DPP10: variants seen among roughly 807,000 people sequenced by gnomAD.
The protein encoded by DPP10 is dipeptidyl peptidase like 10, also known as inactive dipeptidyl peptidase 10.
In DPP10, 33 loss-of-function variants were observed where a neutral mutation model predicts 120.9. The observed-to-expected ratio is 0.27, with a 90% CI of 0.21 to 0.37. The LOEUF is 0.37. Ranked by LOEUF, DPP10 falls within the 10% of genes least tolerant of loss-of-function variation. The pLI, the probability that DPP10 is intolerant of heterozygous loss-of-function variation, is 1.00. For missense variants in DPP10, 816 were observed against 942.8 expected (o/e 0.87, Z 1.76); for synonymous variants, 337 against 326.1 (o/e 1.03, Z -0.36).
At chr2:114,956,831 A>C (rs1421941653) in intron 1 of DPP10, among the ~76,000 whole-genome samples, 1 of 152,102 alleles carries the variant, frequency 6.6e-6, no homozygotes, top group Non-Finnish European at 1.5e-5. Context: ...AGATAACAAG[A>C]ATATGCAATG....
At chr2:115,757,140 C>CTGTACTCCTCA (rs753094659) in intron 11 of DPP10, among the ~76,000 whole-genome samples, 6 of 151,800 alleles carry the variant, frequency 4.0e-5, no homozygotes, top group Non-Finnish European at 8.8e-5. Context: ...GATAACATCC[C>CTGTACTCCTCA]TGTACTCCTT....
At chr2:114,979,080 T>A (rs899983648) in intron 1 of DPP10, among the ~76,000 whole-genome samples, 1 of 152,122 alleles carries the variant, frequency 6.6e-6, no homozygotes, top group African/African-American at 2.4e-5. Context: ...ATAGTTTCAT[T>A]GATCTAACAG....
rs141627663 is a variant in DPP10 at position 114,887,910 on chromosome 2, C to T, written c.61-421329C>T. Among the ~76,000 whole-genome samples, 47 of 152,140 alleles carry T rather than the reference C, an allele frequency of 3.1e-4. 1 individual carries two copies. The East Asian group carries it at 7.2e-3, about 23-fold the overall frequency. The stretch of plus-strand genomic sequence containing the variant: ...ATTCCCGCACTTTGGGAGGCTGAGG[C>T]GGGTGGATCACGAGGTCAGGAGATC... On this transcript the variant is annotated intron_variant, in intron 1 of 25. Coordinates refer to ENST00000410059, the MANE Select transcript of DPP10 (RefSeq NM_020868.6).
chr2:115,103,170 G>C (rs890313027), intron 1 of DPP10, among the ~76,000 whole-genome samples: 3 of 149,314 alleles, frequency 2.0e-5, no homozygotes, highest in Admixed American at 2.0e-4. Flanking sequence ...TTCAGACAAT[G>C]ATTCTGATTC....
At chr2:114,888,552 G>T (rs760420907) in intron 1 of DPP10, among the ~76,000 whole-genome samples, 1 of 152,152 alleles carries the variant, frequency 6.6e-6, no homozygotes, top group Non-Finnish European at 1.5e-5. Context: ...TTAACACAAA[G>T]AATTTAAAGT....
chr2:115,344,599 G>A (rs949514369), intron 3 of DPP10, among the ~76,000 whole-genome samples: 3 of 151,852 alleles, frequency 2.0e-5, no homozygotes, highest in Admixed American at 6.6e-5. Context: ...GGACTCCTTA[G>A]GTTCTCTTAA....
rs1337867057 is a variant in DPP10 at position 114,959,219 on chromosome 2, C to T, written c.61-350020C>T. Among the ~76,000 whole-genome samples the T allele has an allele frequency of 4.6e-5, 7 of 152,084 alleles. No homozygotes were observed. In the East Asian group the frequency reaches 1.3e-3, roughly 29 times the overall value. ...GATAAATTTACATTTTATGTAATGA[C>T]CAATTTAAAGTGTACAATTCACTAG... On this transcript the variant is annotated intron_variant, in intron 1 of 25. Transcript: ENST00000410059.
Position 115,603,347 on chromosome 2 carries a change from C to G in DPP10, c.441+77375C>G, listed in dbSNP as rs552902940. ...ACCCACCCCCCGCCCCGCCACCCCC[C>G]CAAAAAGAAACAAAACCCAACTCTA... is the stretch of plus-strand genomic sequence containing the variant. On this transcript the variant is annotated intron_variant, in intron 5 of 25. Coordinates refer to ENST00000410059, the MANE Select transcript of DPP10 (RefSeq NM_020868.6). 1.8e-3 allele frequency among the ~76,000 whole-genome samples: 241 copies of G among 135,270 alleles called. 2 individuals carry two copies. Among genetic ancestry groups the G allele is most frequent in the African/African-American group, 6.0e-3 (221 of 36,974 alleles). The allele number at this position is 135,270 out of a possible 152,430, so 88.7% of individuals were successfully genotyped here.
intron 1 of DPP10, among the ~76,000 whole-genome samples, chr2:114,997,590 C>A (rs1701180199): frequency 6.6e-6 from 1 of 151,676 alleles, no homozygotes; most frequent in Non-Finnish European, 1.5e-5. Flanking sequence ...TCAAAATAGC[C>A]AAATTCATAT....
intron 1 of DPP10, among the ~76,000 whole-genome samples, chr2:115,287,595 C>T (rs1207105084): frequency 1.3e-5 from 2 of 152,066 alleles, no homozygotes; most frequent in Non-Finnish European, 2.9e-5. Flanking sequence ...GCCTCCAGTT[C>T]TACTCAAGTT....
At chr2:114,943,683 T>C (rs898916932) in intron 1 of DPP10, among the ~76,000 whole-genome samples, 2 of 152,250 alleles carry the variant, frequency 1.3e-5, no homozygotes, top group African/African-American at 4.8e-5. Context: ...CGTGTCTTTA[T>C]AGTAAAATGA....
chr2:114,732,893 T>C (rs1677054914), intron 1 of DPP10, among the ~76,000 whole-genome samples: 1 of 152,186 alleles, frequency 6.6e-6, no homozygotes, highest in African/African-American at 2.4e-5. Flanking sequence ...AGGAAGTTTA[T>C]GTAACTCCCC....
intron 3 of DPP10, among the ~76,000 whole-genome samples, chr2:115,394,398 G>A (rs948365302): frequency 1.4e-5 from 2 of 146,344 alleles, no homozygotes; most frequent in Admixed American, 1.4e-4. Flanking sequence ...GAATGTGAGA[G>A]ATGTTAAAAT....
At chr2:115,802,511 A>C (rs990762027) in intron 19 of DPP10, among the ~76,000 whole-genome samples, 3 of 151,886 alleles carry the variant, frequency 2.0e-5, no homozygotes, top group Non-Finnish European at 2.9e-5. Context: ...TAGTTCTTTT[A>C]ATTGTGATGT....
At position 115,489,336 on chromosome 2, in the gene DPP10, C is replaced by T. The variant is rs139192614; in HGVS notation, c.272-10174C>T. On this transcript the variant is annotated intron_variant, in intron 3 of 25. Transcript: ENST00000410059. ...GTAAACCAAAAATAAAACCCTAAGG[C>T]CCCCAACAGACCAAACAGACTCTCT... is the stretch of plus-strand genomic sequence containing the variant. 7.4e-3 allele frequency among the ~76,000 whole-genome samples: 1,123 copies of T among 151,740 alleles called. 6 individuals are homozygous for T. The highest frequency in any genetic ancestry group is 0.025 in the African/African-American group (1,025 of 41,356).
chr2:115,560,112 TAA>T (rs1292480997), intron 5 of DPP10, among the ~76,000 whole-genome samples: 1 of 151,618 alleles, frequency 6.6e-6, no homozygotes. Flanking sequence ...ATTACTTTTT[TAA>T]GATACGACAA....
chr2:115,074,105 G>A (rs1707594505), intron 1 of DPP10, among the ~76,000 whole-genome samples: 1 of 152,138 alleles, frequency 6.6e-6, no homozygotes, highest in Admixed American at 6.5e-5. Flanking sequence ...TTGAACTCCT[G>A]GATTCAAATG....
At chr2:115,024,455 T>G (rs879571509) in intron 1 of DPP10, among the ~76,000 whole-genome samples, 5 of 151,884 alleles carry the variant, frequency 3.3e-5, no homozygotes, top group Admixed American at 2.6e-4. Flanking sequence ...GATAACCTTT[T>G]CAGTATTATT....
At chr2:115,299,970 A>G (rs766212424) in intron 1 of DPP10, among the ~76,000 whole-genome samples, 19 of 152,070 alleles carry the variant, frequency 1.2e-4, no homozygotes, top group Non-Finnish European at 2.5e-4. Flanking sequence ...AAGATTCTCT[A>G]CATCCTTCAA....
Sources: allele counts gnomAD v4.1 joint callset (sites outside exome capture counted in the v4.1 genomes callset), GRCh38; gene constraint gnomAD v4.1.1; transcripts MANE v1.5; gene names NCBI Gene and HGNC (gene_info 2026-07-23, HGNC 2026-07-21).